The following ZNF100 variants were observed in gnomAD, a reference collection of about 807,000 sequenced individuals.
The protein encoded by ZNF100 is zinc finger protein 100.
Under a neutral mutation model 15.8 loss-of-function variants are expected in ZNF100, and 12 were observed. That is an observed-to-expected ratio of 0.76 (90% CI 0.49 to 1.23). The LOEUF is 1.23. Ranked by LOEUF, ZNF100 falls within the 50% of genes most tolerant of loss-of-function variation. The pLI is 0.00. For missense variants in ZNF100, 670 were observed against 635.6 expected (o/e 1.05, Z -0.58); for synonymous variants, 226 against 214.8 (o/e 1.05, Z -0.45).
intron 2 of ZNF100, among the ~76,000 whole-genome samples, chr19:21,749,350 C>A (rs756497846): frequency 2.0e-5 from 3 of 151,598 alleles, no homozygotes; most frequent in African/African-American, 7.3e-5. Context: ...GCAGAATTAA[C>A]CACTCGTCAG....
chr19:21,734,294 A>G (rs1002985965), intron 4 of ZNF100, among the ~76,000 whole-genome samples: 1 of 152,160 alleles, frequency 6.6e-6, no homozygotes, highest in African/African-American at 2.4e-5. Flanking sequence ...TTCTAACCCA[A>G]TGCAAAAAAG....
chr19:21,756,539 T>A (rs116579333), intron 2 of ZNF100, among the ~76,000 whole-genome samples: 1 of 151,994 alleles, frequency 6.6e-6, no homozygotes. Context: ...CCCAGGAATG[T>A]GAAAGATCTC....
intron 2 of ZNF100, among the ~76,000 whole-genome samples, chr19:21,762,808 T>C (rs2036502847): frequency 6.6e-6 from 1 of 152,198 alleles, no homozygotes; most frequent in Non-Finnish European, 1.5e-5. Context: ...TCTACTGGCC[T>C]GCATTCCCAG....
rs2036583819 is a variant in ZNF100, at chr19:21,767,441, TA to T, written c.-13del. ...GGCACTCTCACCATTTCTAGGCTTC[TA>T]GGGGGTCCTGGCGTCTTAGCTGTGG... On this transcript the variant is annotated 5_prime_UTR_variant, in exon 1 of 5. Transcript: ENST00000358296. 1.2e-6 allele frequency: 2 copies of T among 1,614,088 alleles called. No homozygotes were observed. The highest frequency in any genetic ancestry group is 1.3e-5 in the African/African-American group (1 of 75,030).
chr19:21,742,419 G>A (rs1226493444), intron 4 of ZNF100, among the ~76,000 whole-genome samples: 3 of 136,750 alleles, frequency 2.2e-5, no homozygotes, highest in Non-Finnish European at 4.6e-5. Context: ...GCTTGAACCC[G>A]GGAGGCAGAG....
At chr19:21,751,056 G>A in intron 2 of ZNF100, 1 of 1,391,100 alleles carries the variant, frequency 7.2e-7, no homozygotes, top group East Asian at 2.3e-5. Flanking sequence ...ACCACGAGAT[G>A]CCCTAAGATT....
intron 2 of ZNF100, among the ~76,000 whole-genome samples, chr19:21,755,966 G>A (rs150467683): frequency 1.4e-3 from 218 of 152,206 alleles, no homozygotes; most frequent in African/African-American, 4.9e-3. Flanking sequence ...CATAGAGGAC[G>A]GGTGAATAGG....
At chr19:21,767,280 A>G (rs2036580253) in intron 1 of ZNF100, 147 bp downstream of exon 1, 33 of 1,389,222 alleles carry the variant, frequency 2.4e-5, no homozygotes, top group Non-Finnish European at 3.3e-5. Flanking sequence ...CCGCCATCTT[A>G]TGGCCGAAGG....
rs1408237826 is a variant in ZNF100, at chr19:21,725,434, G to A, written c.*1249C>T. Reference sequence around the variant, plus strand: ...CAGAATATTACTCTGAATGCCTAACGCACACATTGCTTAATATTATAAGTT... The same window carrying A: ...CAGAATATTACTCTGAATGCCTAACACACACATTGCTTAATATTATAAGTT... On this transcript the variant is annotated 3_prime_UTR_variant, in exon 5 of 5. Coordinates refer to ENST00000358296, the MANE Select transcript of ZNF100 (RefSeq NM_173531.4). 2.6e-5 allele frequency: 4 copies of A among 151,826 alleles called. No homozygotes were observed. The highest frequency in any genetic ancestry group is 4.8e-5 in the African/African-American group (2 of 41,302). The allele number at this position is 151,826 out of a possible 1,614,324, so 9.4% of individuals were successfully genotyped here.
At chr19:21,731,917 A>G (rs978469223) in intron 4 of ZNF100, among the ~76,000 whole-genome samples, 3 of 152,230 alleles carry the variant, frequency 2.0e-5, no homozygotes, top group African/African-American at 7.2e-5. Context: ...GCTGCATAAC[A>G]TTATCAATAT....
intron 2 of ZNF100, among the ~76,000 whole-genome samples, chr19:21,757,192 C>T (rs1300389006): frequency 2.6e-5 from 4 of 152,130 alleles, no homozygotes; most frequent in African/African-American, 9.7e-5. Context: ...AATTCTAGCA[C>T]TTTGGGAGCC....
At chr19:21,754,196 A>G (rs2036355788) in intron 2 of ZNF100, among the ~76,000 whole-genome samples, 1 of 152,004 alleles carries the variant, frequency 6.6e-6, no homozygotes, top group Admixed American at 6.6e-5. Flanking sequence ...AGAGAAATAA[A>G]TGATAAATAA....
At chr19:21,756,191 A>G (rs2036391021) in intron 2 of ZNF100, among the ~76,000 whole-genome samples, 1 of 152,232 alleles carries the variant, frequency 6.6e-6, no homozygotes, top group Non-Finnish European at 1.5e-5. Flanking sequence ...AAAACCCTCA[A>G]CAAACTAGGC....
intron 2 of ZNF100, among the ~76,000 whole-genome samples, chr19:21,760,251 G>A (rs930323198): frequency 6.6e-6 from 1 of 151,262 alleles, no homozygotes; most frequent in African/African-American, 2.4e-5. Context: ...ATTACACTTT[G>A]GGAGGCTGAG....
At chr19:21,759,214 TCA>T (rs2036440500) in intron 2 of ZNF100, among the ~76,000 whole-genome samples, 1 of 152,114 alleles carries the variant, frequency 6.6e-6, no homozygotes. Context: ...ATGGAGCTAC[TCA>T]CAGAACTCAG....
rs1396363626 is a variant in ZNF100 at position 21,767,559 on chromosome 19, G to C, written c.-130C>G. ...AGTGAGAGCAAAACCTGGAGCTCCG[G>C]CTACAGCGAGAGACAAAGACCCCGC... On this transcript the variant is annotated 5_prime_UTR_variant, in exon 1 of 5. Coordinates refer to ENST00000358296, the MANE Select transcript of ZNF100 (RefSeq NM_173531.4). The C allele has an allele frequency of 2.4e-5, 34 of 1,401,044 alleles. No individual in the cohort carries two copies. Among genetic ancestry groups the C allele is most frequent in the Non-Finnish European group, 3.2e-5 (33 of 1,026,540 alleles). 86.8% of individuals were successfully genotyped at this position (1,401,044 alleles called of 1,614,324 possible).
chr19:21,757,718 T>G (rs1269114765), intron 2 of ZNF100, among the ~76,000 whole-genome samples: 1 of 152,136 alleles, frequency 6.6e-6, no homozygotes, highest in Non-Finnish European at 1.5e-5. Context: ...CCTAAATGCC[T>G]ATCAGTGGTA....
At chr19:21,728,658 C>T (rs2035858620) in intron 4 of ZNF100, among the ~76,000 whole-genome samples, 1 of 152,024 alleles carries the variant, frequency 6.6e-6, no homozygotes, top group African/African-American at 2.4e-5. Flanking sequence ...ATTGTTCAGA[C>T]TATGCCAGGA....
intron 1 of ZNF100, 99 bp downstream of exon 1, chr19:21,767,328 G>GC: frequency 6.3e-7 from 1 of 1,594,618 alleles, no homozygotes; most frequent in Non-Finnish European, 8.6e-7. Flanking sequence ...AGATTGTGAA[G>GC]CTGACTGCGG....
Sources: gnomAD v4.1 joint callset for allele counts (sites outside exome capture counted in the v4.1 genomes callset) on GRCh38, gnomAD v4.1.1 for gene constraint, MANE v1.5 for transcripts, NCBI Gene and HGNC (gene_info 2026-07-23, HGNC 2026-07-21) for gene names.